Variants in DPYSL4 observed in about 807,000 individuals in gnomAD.
DPYSL4 encodes the protein dihydropyrimidinase-related protein 4.
DPYSL4 carries 43 observed loss-of-function variants against 63.4 expected under a neutral mutation model. The ratio of observed to expected loss-of-function variants is 0.68; its 90% CI spans 0.53 to 0.88. The LOEUF (loss-of-function observed/expected upper bound fraction) is 0.88. Ranked by LOEUF, DPYSL4 falls within the 40% of genes least tolerant of loss-of-function variation. The pLI is 0.00. For missense variants in DPYSL4, 733 were observed against 819.5 expected, an observed-to-expected ratio of 0.89 and a Z score of 1.29; for synonymous variants, 353 against 331.7, an observed-to-expected ratio of 1.06 and a Z score of -0.70.
intron 12 of DPYSL4, 139 bp downstream of exon 12, chr10:132,202,964 C>A: frequency 9.4e-7 from 1 of 1,062,244 alleles, no homozygotes; most frequent in Non-Finnish European, 1.3e-6. Flanking sequence ...TTGCCCAGGG[C>A]CCTGGTGGGT....
chr10:132,200,662 G>C (rs956336997), intron 9 of DPYSL4, 150 bp downstream of exon 9: 1 of 1,373,410 alleles, frequency 7.3e-7, no homozygotes, highest in Non-Finnish European at 9.7e-7. Context: ...TGGTCCCAGC[G>C]GGGGCTCCCC....
At chr10:132,202,162 G>C in intron 11 of DPYSL4, 46 bp downstream of exon 11, 1 of 1,584,890 alleles carries the variant, frequency 6.3e-7, no homozygotes, top group Non-Finnish European at 8.6e-7. Context: ...TGTGGGGCCG[G>C]GACCCCAGGG....
rs2137530109 is a variant in DPYSL4 at position 132,205,667 on chromosome 10, A to G, written c.*737A>G. ...CAGCTTTGTACACTGAGGACACTGTAGCCAGGAACCTGTGCATGCCACCCA... is the reference window on the plus strand; with the variant it reads ...CAGCTTTGTACACTGAGGACACTGTGGCCAGGAACCTGTGCATGCCACCCA... On this transcript the variant is annotated 3_prime_UTR_variant, in exon 14 of 14. Transcript: ENST00000338492. 2 of 152,384 alleles carry G rather than the reference A, an allele frequency of 1.3e-5. No individual in the cohort carries two copies. The highest frequency in any genetic ancestry group is 3.9e-4 in the East Asian group (2 of 5,176). 9.4% of individuals were successfully genotyped at this position (152,384 alleles called of 1,614,324 possible).
chr10:132,187,345 TGCCCGGCCCTGCCGGGCCCTGCCGG>T (rs775035806), intron 1 of DPYSL4, among the ~76,000 whole-genome samples: 10,652 of 44,282 alleles, frequency 0.24, 580 homozygotes, highest in South Asian at 0.38. Context: ...GGCCCGGCCC[TGCCCGGCCCTGCCGGGCCCTGCCGG>T]GCCCTGCCCG....
chr10:132,199,017 G>A lies in DPYSL4; in HGVS notation c.811+46G>A, dbSNP rs768260952. 35 of 1,593,362 alleles carry A rather than the reference G, an allele frequency of 2.2e-5. No homozygotes were observed. The South Asian group carries it at 3.9e-4, about 18-fold the overall frequency. The stretch of plus-strand genomic sequence containing the variant: ...CTGATGCCGAGGGGCCATGGTCTCG[G>A]CCTCCTGGGTGCAGCCCTGGGGAGA... On this transcript the variant is annotated intron_variant, in intron 8 of 13. Coordinates refer to ENST00000338492, the MANE Select transcript of DPYSL4 (RefSeq NM_006426.3).
rs149998431 is a variant in DPYSL4 at position 132,194,912 on chromosome 10, G to A, written c.381G>A (p.Ala127=). 1.3e-4 allele frequency: 217 copies of A among 1,612,566 alleles called. No homozygotes were observed. In the African/African-American group the frequency reaches 1.8e-3, roughly 13 times the overall value. ...CCTACGAGCAGTGGCGGGAGCGGGC[G>A]GACAGCGCGGCCTGCTGCGACTACT... ...LAAYEQWRER[A]DSAACCDYSL... The change falls in exon 4 of 14, where the codon GCG becomes GCA. Residue 127 remains alanine (A), a synonymous_variant. Coordinates refer to ENST00000338492, the MANE Select transcript of DPYSL4 (RefSeq NM_006426.3).
chr10:132,199,691 C>T (rs192801557), intron 8 of DPYSL4, among the ~76,000 whole-genome samples: 1,096 of 48,424 alleles, frequency 0.023, 12 homozygotes, highest in African/African-American at 0.089. Flanking sequence ...GGGTGGGGGG[C>T]GGGGTGGTGG....
chr10:132,191,085 C>T (rs1455014944), intron 2 of DPYSL4, among the ~76,000 whole-genome samples: 2 of 143,344 alleles, frequency 1.4e-5, no homozygotes, highest in Admixed American at 7.1e-5. Context: ...GCAAATAGTT[C>T]CCAGCTCGTG....
intron 6 of DPYSL4, 88 bp from the exon 7 acceptor site, chr10:132,198,327 G>A (rs996884466): frequency 1.8e-5 from 25 of 1,357,292 alleles, no homozygotes; most frequent in African/African-American, 2.9e-5. Context: ...GACCACTTGG[G>A]GAATGGGGCC....
intron 1 of DPYSL4, among the ~76,000 whole-genome samples, chr10:132,190,303 C>G (rs2137499567): frequency 6.6e-6 from 1 of 152,358 alleles, no homozygotes; most frequent in East Asian, 1.9e-4. Flanking sequence ...TGGGTGGAAC[C>G]AAAGTCCAGC....
At chr10:132,203,951 T>A (rs1438284500) in intron 13 of DPYSL4, 24 bp downstream of exon 13, 1 of 1,581,136 alleles carries the variant, frequency 6.3e-7, no homozygotes, top group East Asian at 2.3e-5. Context: ...GGGGCACCAG[T>A]GGGGGTGAGG....
chr10:132,192,215 C>CAGAG, intron 2 of DPYSL4: 1 of 679,454 alleles, frequency 1.5e-6, no homozygotes, highest in Non-Finnish European at 1.8e-6. Context: ...TTGGTGAGGG[C>CAGAG]AGAGGTATGT....
At chr10:132,190,903 G>C (rs1259005292) in intron 2 of DPYSL4, 68 bp downstream of exon 2, 1 of 1,515,084 alleles carries the variant, frequency 6.6e-7, no homozygotes, top group Non-Finnish European at 9.1e-7. Context: ...GTGGTATCCA[G>C]GCAGTTGAAA....
chr10:132,192,541 G>T, intron 2 of DPYSL4, 117 bp from the exon 3 acceptor site: 3 of 1,454,896 alleles, frequency 2.1e-6, no homozygotes, highest in African/African-American at 2.8e-5. Flanking sequence ...GGCCGTGCTG[G>T]CCTTTTCCTC....
chr10:132,197,243 G>C (rs1291977015), intron 6 of DPYSL4, 142 bp downstream of exon 6: 1 of 738,944 alleles, frequency 1.4e-6, no homozygotes, highest in East Asian at 2.8e-5. Flanking sequence ...CTTGAGGGAG[G>C]GTCATAGCTT....
intron 1 of DPYSL4, among the ~76,000 whole-genome samples, chr10:132,189,367 G>A (rs998804896): frequency 5.9e-5 from 9 of 152,212 alleles, no homozygotes; most frequent in Admixed American, 2.0e-4. Flanking sequence ...CACCTCTGAC[G>A]GTCATGCAGA....
chr10:132,199,760 A>G (rs2061988257), intron 8 of DPYSL4, among the ~76,000 whole-genome samples: 1 of 151,782 alleles, frequency 6.6e-6, no homozygotes, highest in Non-Finnish European at 1.5e-5. Flanking sequence ...ACTGAAACCC[A>G]CTCAGTTAAC....
intron 8 of DPYSL4, among the ~76,000 whole-genome samples, chr10:132,199,236 G>A (rs2137517412): frequency 6.6e-6 from 1 of 152,314 alleles, no homozygotes; most frequent in African/African-American, 2.4e-5. Context: ...TTCCAGTGGG[G>A]GTGGGTGTGG....
At chr10:132,196,827 A>G (rs1161351075) in intron 4 of DPYSL4, 34 bp from the exon 5 acceptor site, 1 of 1,612,106 alleles carries the variant, frequency 6.2e-7, no homozygotes, top group South Asian at 1.1e-5. Flanking sequence ...CTGACTGGTG[A>G]TGGCTGAGCC....
Sources: allele counts gnomAD v4.1 joint callset (sites outside exome capture counted in the v4.1 genomes callset), GRCh38; gene constraint gnomAD v4.1.1; transcripts MANE v1.5; gene names NCBI Gene and HGNC (gene_info 2026-07-23, HGNC 2026-07-21).